The following RANBP9 variants were observed in gnomAD, a reference collection of about 807,000 sequenced individuals.
RANBP9 encodes the protein ran-binding protein 9.
Under a neutral mutation model 84.3 loss-of-function variants are expected in RANBP9, and 15 were observed. The observed-to-expected ratio is 0.18, with a 90% CI of 0.12 to 0.27. The LOEUF (loss-of-function observed/expected upper bound fraction) is 0.27, where lower values mean the gene tolerates loss of function less well. Among genes scored for constraint, RANBP9 ranks in the 10% least tolerant of loss-of-function variants. The pLI is 1.00. For missense variants in RANBP9, 809 were observed against 912.8 expected, an observed-to-expected ratio of 0.89 and a Z score of 1.46; for synonymous variants, 392 against 349.6, an observed-to-expected ratio of 1.12 and a Z score of -1.35.
At chr6:13,644,440 G>T in intron 6 of RANBP9, 105 bp downstream of exon 6, 1 of 1,063,162 alleles carries the variant, frequency 9.4e-7, no homozygotes, top group Non-Finnish European at 1.4e-6. Context: ...AGATATGTCA[G>T]TATATAAATT....
chr6:13,665,588 A>C (rs534798938), intron 2 of RANBP9, among the ~76,000 whole-genome samples: 1 of 152,182 alleles, frequency 6.6e-6, no homozygotes, highest in Non-Finnish European at 1.5e-5. Context: ...AGTTGCTCAT[A>C]GGACTGAACA....
At position 13,692,219 on chromosome 6, in the gene RANBP9, G is replaced by C. The variant is rs192966103; in HGVS notation, c.683+4566C>G. 1.1e-4 allele frequency among the ~76,000 whole-genome samples: 16 copies of C among 152,168 alleles called. No individual in the cohort carries two copies. The East Asian group carries it at 2.7e-3, about 26-fold the overall frequency. On this transcript the variant is annotated intron_variant, in intron 2 of 13. Coordinates refer to ENST00000011619, the MANE Select transcript of RANBP9 (RefSeq NM_005493.3). Reference sequence around the variant, plus strand: ...CTTTGTTCGACACGTTTACCAGAGAGATAAATGAATGTGACCAAAGAAGTA... The same window carrying C: ...CTTTGTTCGACACGTTTACCAGAGACATAAATGAATGTGACCAAAGAAGTA...
intron 2 of RANBP9, among the ~76,000 whole-genome samples, chr6:13,688,972 C>A (rs1420422004): frequency 6.1e-5 from 5 of 82,356 alleles, no homozygotes; most frequent in Non-Finnish European, 9.9e-5. Flanking sequence ...CATACCGAGA[C>A]CCATCTCCAC....
intron 2 of RANBP9, among the ~76,000 whole-genome samples, chr6:13,661,278 G>A (rs1230135538): frequency 2.6e-5 from 4 of 152,138 alleles, no homozygotes; most frequent in African/African-American, 7.2e-5. Context: ...ATATCATGCT[G>A]AAGCAAGAAC....
intron 2 of RANBP9, among the ~76,000 whole-genome samples, chr6:13,692,397 G>A (rs1214253345): frequency 1.3e-5 from 2 of 151,638 alleles, no homozygotes; most frequent in Non-Finnish European, 2.9e-5. Context: ...CCGTGGTGGC[G>A]CATGCCTGTA....
At chr6:13,625,804 T>TC (rs777502754) in intron 12 of RANBP9, 40 bp from the exon 13 acceptor site, 47 of 1,356,728 alleles carry the variant, frequency 3.5e-5, no homozygotes, top group Non-Finnish European at 4.2e-6. Context: ...TTCAAATAGT[T>TC]CAACTATTAT....
intron 5 of RANBP9, among the ~76,000 whole-genome samples, chr6:13,645,952 A>T (rs1765167427): frequency 6.6e-6 from 1 of 152,250 alleles, no homozygotes; most frequent in Non-Finnish European, 1.5e-5. Context: ...TCAAAAATAT[A>T]AAGTACTACT....
Position 13,708,938 on chromosome 6 carries a change from G to A in RANBP9, c.571+1997C>T, listed in dbSNP as rs149210655. Among the ~76,000 whole-genome samples the A allele has an allele frequency of 7.8e-3, 1,184 of 152,214 alleles. 14 individuals are homozygous for A. The highest frequency in any genetic ancestry group is 0.027 in the African/African-American group (1,111 of 41,544). Reference sequence around the variant, plus strand: ...AGAGAGAGACAAAGGAAAGATAGAAGAGAGGAAAAATAAAAGGATAACAAC... The same window carrying A: ...AGAGAGAGACAAAGGAAAGATAGAAAAGAGGAAAAATAAAAGGATAACAAC... On this transcript the variant is annotated intron_variant, in intron 1 of 13. Coordinates refer to ENST00000011619, the MANE Select transcript of RANBP9 (RefSeq NM_005493.3).
chr6:13,632,626 C>T lies in RANBP9; in HGVS notation c.1796-105G>A, dbSNP rs1764822663. On this transcript the variant is annotated intron_variant, in intron 11 of 13. Coordinates refer to ENST00000011619, the MANE Select transcript of RANBP9 (RefSeq NM_005493.3). ...ATTTTGTACATTTAGTAACTATTCCCTAATATTTCATCTAAATATGCAGAT... is the reference window on the plus strand; with the variant it reads ...ATTTTGTACATTTAGTAACTATTCCTTAATATTTCATCTAAATATGCAGAT... 6 of 1,080,896 alleles carry T rather than the reference C, an allele frequency of 5.6e-6. No homozygotes were observed. In the Admixed American group the frequency reaches 1.2e-4, roughly 22 times the overall value. The allele number at this position is 1,080,896 out of a possible 1,614,324, so 67.0% of individuals were successfully genotyped here.
intron 1 of RANBP9, among the ~76,000 whole-genome samples, chr6:13,706,335 C>T (rs1466329202): frequency 6.7e-6 from 1 of 149,226 alleles, no homozygotes; most frequent in Non-Finnish European, 1.5e-5. Flanking sequence ...CAGAGCAAGA[C>T]TCGGTCTCAA....
chr6:13,684,684 G>A (rs974060412), intron 2 of RANBP9, among the ~76,000 whole-genome samples: 1 of 152,218 alleles, frequency 6.6e-6, no homozygotes, highest in Non-Finnish European at 1.5e-5. Flanking sequence ...CACAGATAAA[G>A]CTGTGGCAAA....
chr6:13,622,052 A>C lies in RANBP9; in HGVS notation c.*310T>G. 6.0e-6 allele frequency: 1 copy of C among 165,958 alleles called. No homozygotes were observed. Among genetic ancestry groups the C allele is most frequent in the Non-Finnish European group, 1.3e-5 (1 of 77,436 alleles). The allele number at this position is 165,958 out of a possible 1,614,324, so 10.3% of individuals were successfully genotyped here. On this transcript the variant is annotated 3_prime_UTR_variant, in exon 14 of 14. Coordinates refer to ENST00000011619, the MANE Select transcript of RANBP9 (RefSeq NM_005493.3). ...TTCCCCTCTCTCCCCCCTCCCCCACAAAGAAGGCAGGATTTTTGGTTTCTT... is the reference window on the plus strand; with the variant it reads ...TTCCCCTCTCTCCCCCCTCCCCCACCAAGAAGGCAGGATTTTTGGTTTCTT...
intron 1 of RANBP9, among the ~76,000 whole-genome samples, chr6:13,699,325 G>T (rs534489293): frequency 6.6e-6 from 1 of 152,200 alleles, no homozygotes; most frequent in African/African-American, 2.4e-5. Flanking sequence ...AAACTAAAAA[G>T]ATTTGTTTCA....
chr6:13,644,220 T>C (rs188379162), intron 6 of RANBP9, among the ~76,000 whole-genome samples: 100 of 152,324 alleles, frequency 6.6e-4, no homozygotes, highest in African/African-American at 2.3e-3. Flanking sequence ...AAAAGTTAAA[T>C]TGTATAACCT....
intron 8 of RANBP9, among the ~76,000 whole-genome samples, chr6:13,640,769 G>A (rs986259920): frequency 6.6e-6 from 1 of 152,188 alleles, no homozygotes; most frequent in African/African-American, 2.4e-5. Context: ...GTTTAATAGA[G>A]AGTTTCAGTT....
At chr6:13,664,436 C>G (rs1223055155) in intron 2 of RANBP9, among the ~76,000 whole-genome samples, 1 of 149,738 alleles carries the variant, frequency 6.7e-6, no homozygotes, top group Non-Finnish European at 1.5e-5. Context: ...TCAACACAAT[C>G]CAAAGCATAA....
chr6:13,681,531 A>G (rs1257783922), intron 2 of RANBP9, among the ~76,000 whole-genome samples: 2 of 152,152 alleles, frequency 1.3e-5, no homozygotes, highest in Non-Finnish European at 1.5e-5. Flanking sequence ...GGAGGGGACT[A>G]TAGGTATTAG....
chr6:13,685,144 AT>A (rs1304451565), intron 2 of RANBP9, among the ~76,000 whole-genome samples: 9 of 152,230 alleles, frequency 5.9e-5, no homozygotes, highest in Non-Finnish European at 1.0e-4. Flanking sequence ...CTTGTGATCC[AT>A]AATTCCACTT....
At chr6:13,648,393 C>T (rs1765221764) in intron 5 of RANBP9, among the ~76,000 whole-genome samples, 1 of 151,988 alleles carries the variant, frequency 6.6e-6, no homozygotes, top group Non-Finnish European at 1.5e-5. Context: ...CCGCCTTGGC[C>T]TCCCAAAGTG....
Sources: allele counts gnomAD v4.1 joint callset (sites outside exome capture counted in the v4.1 genomes callset), GRCh38; gene constraint gnomAD v4.1.1; transcripts MANE v1.5; gene names NCBI Gene and HGNC (gene_info 2026-07-23, HGNC 2026-07-21).